The following NKAIN3 variants were observed in gnomAD, a reference collection of about 807,000 sequenced individuals.
NKAIN3 encodes the protein sodium/potassium-transporting ATPase subunit beta-1-interacting protein 3.
NKAIN3 carries 25 observed loss-of-function variants against 30.2 expected under a neutral mutation model. The observed-to-expected ratio is 0.83, with a 90% CI of 0.60 to 1.16. The LOEUF (loss-of-function observed/expected upper bound fraction) is 1.16, where lower values mean the gene tolerates loss of function less well. Among genes scored for constraint, NKAIN3 ranks in the 50% most tolerant of loss-of-function variants. The probability of loss-of-function intolerance (pLI) is 0.00; values close to 1 mark genes in which losing one functional copy is unlikely to be tolerated. For missense variants in NKAIN3, 225 were observed against 254.1 expected (o/e 0.89, Z 0.78); for synonymous variants, 91 against 89.6 (o/e 1.02, Z -0.09).
intron 1 of NKAIN3, among the ~76,000 whole-genome samples, chr8:62,492,788 T>G (rs1466797074): frequency 6.6e-6 from 1 of 152,170 alleles, no homozygotes; most frequent in Non-Finnish European, 1.5e-5. Context: ...AGTAATGAGA[T>G]TGCTCGGTCC....
In NKAIN3 at chr8:62,978,841, G is replaced by A. The variant is rs1246922536; in HGVS notation, c.*13434G>A. ...TGTGCTTGAAATCCAGGGCCCTTGT[G>A]GTGTAGGCACCCAAGGGATCTCCTT... On this transcript the variant is annotated 3_prime_UTR_variant, in exon 7 of 7. Coordinates refer to ENST00000623646, the MANE Select transcript of NKAIN3 (RefSeq NM_001304533.3). 1.3e-5 allele frequency: 2 copies of A among 154,200 alleles called. No individual in the cohort carries two copies. The highest frequency in any genetic ancestry group is 4.8e-5 in the African/African-American group (2 of 41,468). 9.6% of individuals were successfully genotyped at this position (154,200 alleles called of 1,614,324 possible).
intron 3 of NKAIN3, among the ~76,000 whole-genome samples, chr8:62,698,843 C>T (rs1814245025): frequency 6.6e-6 from 1 of 152,160 alleles, no homozygotes; most frequent in Non-Finnish European, 1.5e-5. Flanking sequence ...AACCACGCAA[C>T]AATCCACTAG....
At chr8:62,804,644 T>G (rs373322615) in intron 4 of NKAIN3, among the ~76,000 whole-genome samples, 1 of 152,138 alleles carries the variant, frequency 6.6e-6, no homozygotes, top group Non-Finnish European at 1.5e-5. Context: ...ATTGATGGGA[T>G]GTACCTCAAA....
chr8:62,703,232 A>C (rs1412286015), intron 3 of NKAIN3, among the ~76,000 whole-genome samples: 1 of 152,160 alleles, frequency 6.6e-6, no homozygotes, highest in African/African-American at 2.4e-5. Flanking sequence ...TAACTAAGTA[A>C]TAGCACTGCT....
rs533292890 is a variant in NKAIN3, at chr8:62,971,585, A to T, written c.*6178A>T. 9.9e-5 allele frequency among the ~76,000 whole-genome samples: 15 copies of T among 151,700 alleles called. No homozygotes were observed. The South Asian group carries it at 3.2e-3, about 32-fold the overall frequency. On this transcript the variant is annotated 3_prime_UTR_variant, in exon 7 of 7. Transcript: ENST00000623646. ...GAGACGGAGGTTGCAGTTAGCCAAG[A>T]TCATGCCACTGCACTCCAACCTGGG...
chr8:62,852,029 G>T (rs1328722194), intron 4 of NKAIN3, among the ~76,000 whole-genome samples: 1 of 152,086 alleles, frequency 6.6e-6, no homozygotes, highest in Non-Finnish European at 1.5e-5. Context: ...TAGAAGGAAA[G>T]GTACCAGCTC....
intron 4 of NKAIN3, among the ~76,000 whole-genome samples, chr8:62,835,621 C>T (rs775469543): frequency 3.9e-5 from 6 of 152,084 alleles, no homozygotes; most frequent in Admixed American, 1.3e-4. Flanking sequence ...CAGAGAAATG[C>T]AAACCAAAAC....
chr8:62,899,260 A>G (rs1821528172), intron 4 of NKAIN3, among the ~76,000 whole-genome samples: 1 of 152,222 alleles, frequency 6.6e-6, no homozygotes. Flanking sequence ...AAATTGGTAT[A>G]TCATAGAGAT....
chr8:62,252,744 T>A (rs894461613), intron 1 of NKAIN3, among the ~76,000 whole-genome samples: 4 of 152,232 alleles, frequency 2.6e-5, no homozygotes, highest in Non-Finnish European at 2.9e-5. Context: ...GAGCCTTTAG[T>A]ACATTTTTTT....
intron 3 of NKAIN3, among the ~76,000 whole-genome samples, chr8:62,643,441 G>A (rs902802905): frequency 5.3e-5 from 8 of 152,154 alleles, no homozygotes; most frequent in South Asian, 2.1e-4. Flanking sequence ...GTTGAATACC[G>A]ATGTGGAGAA....
At chr8:62,604,658 A>G (rs1811071287) in intron 3 of NKAIN3, among the ~76,000 whole-genome samples, 8 of 152,178 alleles carry the variant, frequency 5.3e-5, no homozygotes, top group Admixed American at 5.2e-4. Flanking sequence ...GTAATTTTCT[A>G]AAAGAATAGA....
At chr8:62,290,943 C>T (rs11782539) in intron 1 of NKAIN3, among the ~76,000 whole-genome samples, 1 of 151,604 alleles carries the variant, frequency 6.6e-6, no homozygotes, top group African/African-American at 2.4e-5. Context: ...TCAGGGATTC[C>T]ACTTCTTCCT....
intron 1 of NKAIN3, among the ~76,000 whole-genome samples, chr8:62,314,868 A>G (rs1814560532): frequency 6.6e-6 from 1 of 152,188 alleles, no homozygotes; most frequent in Admixed American, 6.6e-5. Flanking sequence ...TATAATCATA[A>G]ACACTGAACC....
chr8:62,297,965 C>G (rs1813895026), intron 1 of NKAIN3, among the ~76,000 whole-genome samples: 1 of 151,976 alleles, frequency 6.6e-6, no homozygotes, highest in Non-Finnish European at 1.5e-5. Context: ...AAATGTGGCA[C>G]ATATATACCA....
intron 4 of NKAIN3, among the ~76,000 whole-genome samples, chr8:62,803,411 T>A (rs560138369): frequency 6.6e-6 from 1 of 152,180 alleles, no homozygotes; most frequent in African/African-American, 2.4e-5. Flanking sequence ...TATAACAAAC[T>A]GTCTCTCAGA....
chr8:62,294,853 A>T (rs560901028), intron 1 of NKAIN3, among the ~76,000 whole-genome samples: 5 of 152,164 alleles, frequency 3.3e-5, no homozygotes, highest in Non-Finnish European at 7.3e-5. Flanking sequence ...CCTCCTGTCG[A>T]AATTGAGTCA....
intron 4 of NKAIN3, among the ~76,000 whole-genome samples, chr8:62,795,181 C>T (rs571658874): frequency 1.9e-4 from 29 of 152,216 alleles, no homozygotes; most frequent in Non-Finnish European, 2.8e-4. Flanking sequence ...CAAGGAGGTC[C>T]CCCTTTGACT....
chr8:62,426,981 C>G (rs1009957744), intron 1 of NKAIN3, among the ~76,000 whole-genome samples: 4 of 151,950 alleles, frequency 2.6e-5, no homozygotes, highest in Admixed American at 2.0e-4. Flanking sequence ...AGGACACTCC[C>G]ATGCTGGGGA....
intron 1 of NKAIN3, among the ~76,000 whole-genome samples, chr8:62,431,544 G>T (rs1215372406): frequency 6.6e-6 from 1 of 151,848 alleles, no homozygotes; most frequent in Non-Finnish European, 1.5e-5. Flanking sequence ...TGGGAATGAT[G>T]TGGAAATTCA....
Sources: allele counts gnomAD v4.1 joint callset (sites outside exome capture counted in the v4.1 genomes callset), GRCh38; gene constraint gnomAD v4.1.1; transcripts MANE v1.5; gene names NCBI Gene and HGNC (gene_info 2026-07-23, HGNC 2026-07-21).